MALRD1: variants seen among roughly 807,000 people sequenced by gnomAD.
MALRD1 encodes MAM and LDL-receptor class A domain-containing protein 1.
MALRD1 carries 247 observed loss-of-function variants against 242.1 expected under a neutral mutation model. The observed-to-expected ratio is 1.02, with a 90% CI of 0.92 to 1.13. MALRD1 has a LOEUF of 1.13. Ranked by LOEUF, MALRD1 falls within the 50% of genes most tolerant of loss-of-function variation. The pLI is 0.00. For missense variants in MALRD1, 2,989 were observed against 2,533.1 expected, an observed-to-expected ratio of 1.18 and a Z score of -3.86; for synonymous variants, 995 against 866.6, an observed-to-expected ratio of 1.15 and a Z score of -2.60.
chr10:19,121,151 C>T (rs182333184), intron 5 of MALRD1, among the ~76,000 whole-genome samples: 1 of 145,828 alleles, frequency 6.9e-6, no homozygotes, highest in Non-Finnish European at 1.5e-5. Flanking sequence ...TCAAGCAATT[C>T]TCCTGCCTCA....
intron 36 of MALRD1, among the ~76,000 whole-genome samples, chr10:19,689,515 A>G (rs752252069): frequency 1.3e-5 from 2 of 152,180 alleles, no homozygotes; most frequent in Non-Finnish European, 2.9e-5. Context: ...GAGGCAAATG[A>G]TGGATAAAGT....
At chr10:19,537,481 G>A (rs1488085984) in intron 32 of MALRD1, among the ~76,000 whole-genome samples, 3 of 152,092 alleles carry the variant, frequency 2.0e-5, no homozygotes, top group African/African-American at 7.2e-5. Flanking sequence ...GAAAAGGCAG[G>A]AGAGCGCTCT....
chr10:19,331,708 T>C, intron 24 of MALRD1, 126 bp downstream of exon 24: 1 of 705,422 alleles, frequency 1.4e-6, no homozygotes, highest in Non-Finnish European at 2.4e-6. Context: ...TAAGGTGATT[T>C]AACTTGACAC....
rs200509030 is a variant in MALRD1 at position 19,091,840 on chromosome 10, A to G, written c.597+3655A>G. Among the ~76,000 whole-genome samples, 16 of 89,808 alleles carry G rather than the reference A, an allele frequency of 1.8e-4. No individual in the cohort carries two copies. The East Asian group carries it at 1.9e-3, about 10-fold the overall frequency. 58.9% of individuals were successfully genotyped at this position (89,808 alleles called of 152,430 possible). A position where few individuals can be genotyped will look rare whatever the true frequency, so the allele number is the denominator to read the frequency against. On this transcript the variant is annotated intron_variant, in intron 4 of 39. Transcript: ENST00000454679. ...ACATCTTTATTTCTGCCTTCATTTC[A>G]TTATGTACCCAGTAGTCATTCAGGA...
chr10:19,267,653 G>A (rs944362941), intron 19 of MALRD1, among the ~76,000 whole-genome samples: 2 of 152,022 alleles, frequency 1.3e-5, no homozygotes, highest in Non-Finnish European at 1.5e-5. Flanking sequence ...CTTCTAATAC[G>A]CTGTTTGGCG....
intron 36 of MALRD1, among the ~76,000 whole-genome samples, chr10:19,643,754 G>A (rs368632075): frequency 2.0e-5 from 3 of 152,212 alleles, no homozygotes; most frequent in South Asian, 4.2e-4. Context: ...CATGCATTGC[G>A]TTTCCCGTTT....
intron 21 of MALRD1, among the ~76,000 whole-genome samples, chr10:19,308,469 C>T (rs1362728468): frequency 1.3e-5 from 2 of 151,484 alleles, no homozygotes; most frequent in Non-Finnish European, 3.0e-5. Flanking sequence ...GAAAGATTAG[C>T]AGAAGTGGAC....
chr10:19,101,815 T>C (rs1344216679), intron 4 of MALRD1, among the ~76,000 whole-genome samples: 1 of 136,372 alleles, frequency 7.3e-6, no homozygotes, highest in African/African-American at 2.6e-5. Context: ...AATAAATTTA[T>C]AATATATAAA....
intron 26 of MALRD1, among the ~76,000 whole-genome samples, chr10:19,368,961 A>G (rs1200925480): frequency 6.7e-6 from 1 of 148,456 alleles, no homozygotes; most frequent in African/African-American, 2.5e-5. Context: ...ATATATCAGT[A>G]ATATATATAA....
At chr10:19,304,376 A>G (rs1378535398) in intron 21 of MALRD1, among the ~76,000 whole-genome samples, 1 of 151,368 alleles carries the variant, frequency 6.6e-6, no homozygotes, top group African/African-American at 2.4e-5. Context: ...TCATCTATCT[A>G]TTAGTCATCA....
At chr10:19,328,298 C>A (rs148505439) in intron 23 of MALRD1, among the ~76,000 whole-genome samples, 1,957 of 152,198 alleles carry the variant, frequency 0.013, 19 homozygotes, top group Middle Eastern at 0.041. Context: ...GAAAGCAAGA[C>A]CTCCATTGGC....
intron 36 of MALRD1, among the ~76,000 whole-genome samples, chr10:19,628,878 C>T (rs1234147269): frequency 6.6e-6 from 1 of 152,068 alleles, no homozygotes; most frequent in Non-Finnish European, 1.5e-5. Flanking sequence ...ATGAATGTGC[C>T]CGTCCCTCAG....
At chr10:19,597,401 G>A (rs1409737) in intron 34 of MALRD1, among the ~76,000 whole-genome samples, 77,308 of 151,968 alleles carry the variant, frequency 0.51, 19,743 homozygotes, top group Non-Finnish European at 0.53. Flanking sequence ...CTAGTCCTGC[G>A]AAGTTCTGTT....
chr10:19,514,742 A>T (rs1403622729), intron 31 of MALRD1, among the ~76,000 whole-genome samples: 2 of 152,182 alleles, frequency 1.3e-5, no homozygotes, highest in Admixed American at 6.5e-5. Context: ...CATGAAGTGT[A>T]GGAAATTATC....
chr10:19,538,422 G>C (rs1834782229), intron 32 of MALRD1, among the ~76,000 whole-genome samples: 1 of 152,104 alleles, frequency 6.6e-6, no homozygotes, highest in Admixed American at 6.6e-5. Flanking sequence ...ACAAAGATCA[G>C]TTTCTTTCTG....
intron 18 of MALRD1, among the ~76,000 whole-genome samples, chr10:19,217,634 C>T (rs1837378819): frequency 6.7e-6 from 1 of 149,044 alleles, no homozygotes; most frequent in Admixed American, 6.7e-5. Flanking sequence ...CCAGGTTCAA[C>T]TGATTCTCTT....
At chr10:19,443,312 C>T (rs1834775575) in intron 28 of MALRD1, among the ~76,000 whole-genome samples, 1 of 152,106 alleles carries the variant, frequency 6.6e-6, no homozygotes. Flanking sequence ...TATTGTGTTT[C>T]TATCTCCTTC....
chr10:19,457,612 C>T lies in MALRD1; in HGVS notation c.5029+7122C>T, dbSNP rs143724253. Among the ~76,000 whole-genome samples the T allele has an allele frequency of 2.5e-3, 385 of 151,758 alleles. 3 individuals carry two copies. The highest frequency in any genetic ancestry group is 7.7e-3 in the African/African-American group (319 of 41,378). Reference sequence around the variant, plus strand: ...GAACTAAGACCGGGCTGTTCTAGAACGTCCCTTCTTATCTCAGAATGTTGC... The same window carrying T: ...GAACTAAGACCGGGCTGTTCTAGAATGTCCCTTCTTATCTCAGAATGTTGC... On this transcript the variant is annotated intron_variant, in intron 29 of 39. Transcript: ENST00000454679.
At chr10:19,705,612 C>T (rs1327039969) in intron 38 of MALRD1, among the ~76,000 whole-genome samples, 2 of 152,012 alleles carry the variant, frequency 1.3e-5, no homozygotes, top group Admixed American at 6.6e-5. Context: ...AAATCTTACC[C>T]TTAAAAACAG....
Sources: gnomAD v4.1 joint callset for allele counts (sites outside exome capture counted in the v4.1 genomes callset) on GRCh38, gnomAD v4.1.1 for gene constraint, MANE v1.5 for transcripts, NCBI Gene and HGNC (gene_info 2026-07-23, HGNC 2026-07-21) for gene names.